HS3ST2: variants seen among roughly 807,000 people sequenced by gnomAD.
The protein encoded by HS3ST2 is heparan sulfate glucosamine 3-O-sulfotransferase 2.
A neutral mutation model predicts 26.3 loss-of-function variants in HS3ST2; 17 were observed. The ratio of observed to expected loss-of-function variants is 0.65; its 90% CI spans 0.44 to 0.97. The LOEUF (loss-of-function observed/expected upper bound fraction) is 0.97, where lower values mean the gene tolerates loss of function less well. HS3ST2 is among the 50% of genes least tolerant of loss of function. The probability of loss-of-function intolerance (pLI) is 0.00; values close to 1 mark genes in which losing one functional copy is unlikely to be tolerated. For missense variants in HS3ST2, 402 were observed against 501.2 expected (o/e 0.80, Z 1.89); for synonymous variants, 237 against 219.2 (o/e 1.08, Z -0.72).
chr16:22,904,321 G>A lies in HS3ST2; in HGVS notation c.486-10623G>A, dbSNP rs114569128. Among the ~76,000 whole-genome samples, 469 of 152,230 alleles carry A rather than the reference G, an allele frequency of 3.1e-3. 5 individuals carry two copies. Among genetic ancestry groups the A allele is most frequent in the African/African-American group, 0.011 (448 of 41,552 alleles). ...AGCATACAGTAGGTGCTCAATAAAC[G>A]CTTGTCTCATGAATAAATCCATGAT... On this transcript the variant is annotated intron_variant, in intron 1 of 1. Coordinates refer to ENST00000261374, the MANE Select transcript of HS3ST2 (RefSeq NM_006043.2).
At chr16:22,862,373 G>A (rs1264507486) in intron 1 of HS3ST2, among the ~76,000 whole-genome samples, 1 of 148,162 alleles carries the variant, frequency 6.7e-6, no homozygotes, top group Non-Finnish European at 1.5e-5. Context: ...GAAGTGGTTT[G>A]ATTGGCCTCC....
intron 1 of HS3ST2, among the ~76,000 whole-genome samples, chr16:22,879,594 T>A (rs1901961581): frequency 6.6e-6 from 1 of 151,570 alleles, no homozygotes; most frequent in African/African-American, 2.4e-5. Flanking sequence ...CCACTTTACA[T>A]GAGATTAGCT....
intron 1 of HS3ST2, among the ~76,000 whole-genome samples, chr16:22,891,989 A>G (rs573487157): frequency 1.3e-4 from 20 of 152,238 alleles, no homozygotes; most frequent in Non-Finnish European, 2.8e-4. Flanking sequence ...AAGAACTGCA[A>G]GTGGGCCGGG....
At chr16:22,881,696 A>T (rs887704859) in intron 1 of HS3ST2, among the ~76,000 whole-genome samples, 17 of 151,934 alleles carry the variant, frequency 1.1e-4, no homozygotes, top group African/African-American at 4.1e-4. Flanking sequence ...GCTGGAGAAG[A>T]CTCTTCACAG....
At chr16:22,822,856 G>GAAAAA (rs60765964) in intron 1 of HS3ST2, among the ~76,000 whole-genome samples, 1 of 112,438 alleles carries the variant, frequency 8.9e-6, no homozygotes. Context: ...CTCCGTCTCA[G>GAAAAA]AAAAAAAAAA....
At position 22,863,752 on chromosome 16, in the gene HS3ST2, C is replaced by A. The variant is rs571232755; in HGVS notation, c.485+48657C>A. On this transcript the variant is annotated intron_variant, in intron 1 of 1. Coordinates refer to ENST00000261374, the MANE Select transcript of HS3ST2 (RefSeq NM_006043.2). ...CACACACAAGAGACTGCCTAGAAGT[C>A]CCATCGATGAGGGCCATTCTGGCTC... Among the ~76,000 whole-genome samples, 3 of 152,296 alleles carry A rather than the reference C, an allele frequency of 2.0e-5. No homozygotes were observed. The East Asian group carries it at 5.8e-4, about 29-fold the overall frequency.
At chr16:22,844,850 CT>C (rs1323647844) in intron 1 of HS3ST2, among the ~76,000 whole-genome samples, 1 of 151,704 alleles carries the variant, frequency 6.6e-6, no homozygotes, top group Non-Finnish European at 1.5e-5. Context: ...AACCTCTTTT[CT>C]TTTCTTTCTT....
rs1329746123 is a variant in HS3ST2, at chr16:22,857,192, G to A, written c.485+42097G>A. On this transcript the variant is annotated intron_variant, in intron 1 of 1. Transcript: ENST00000261374. The stretch of plus-strand genomic sequence containing the variant: ...ATGACTTTGTTTATGATTTCCTGGT[G>A]CTGAGTATAGTGATGAAAGTAATGT... 3.9e-5 allele frequency among the ~76,000 whole-genome samples: 6 copies of A among 152,262 alleles called. No individual in the cohort carries two copies. In the South Asian group the frequency reaches 1.0e-3, roughly 26 times the overall value.
At chr16:22,873,319 G>A (rs1432463621) in intron 1 of HS3ST2, among the ~76,000 whole-genome samples, 3 of 152,138 alleles carry the variant, frequency 2.0e-5, no homozygotes, top group Admixed American at 2.0e-4. Flanking sequence ...TGGGAGTGGT[G>A]GGAGCAAAGG....
At chr16:22,879,936 A>G (rs1407931514) in intron 1 of HS3ST2, among the ~76,000 whole-genome samples, 6 of 152,198 alleles carry the variant, frequency 3.9e-5, no homozygotes, top group Admixed American at 3.9e-4. Flanking sequence ...ATTTCCAACT[A>G]TAGACTGGGC....
intron 1 of HS3ST2, among the ~76,000 whole-genome samples, chr16:22,837,536 CAG>C (rs1486244023): frequency 7.0e-6 from 1 of 143,208 alleles, no homozygotes; most frequent in East Asian, 2.0e-4. Flanking sequence ...TATATATACA[CAG>C]ATATATGTAT....
At chr16:22,837,499 G>GTGTGTA (rs1445071823) in intron 1 of HS3ST2, among the ~76,000 whole-genome samples, 1 of 144,542 alleles carries the variant, frequency 6.9e-6, no homozygotes, top group African/African-American at 2.6e-5. Context: ...GTGTGTGTGT[G>GTGTGTA]TATATATATG....
intron 1 of HS3ST2, among the ~76,000 whole-genome samples, chr16:22,865,925 G>A (rs1901743624): frequency 6.6e-6 from 1 of 152,016 alleles, no homozygotes; most frequent in African/African-American, 2.4e-5. Flanking sequence ...GTCAAAAGAG[G>A]GGAAAATGCA....
At chr16:22,818,014 T>C (rs899567036) in intron 1 of HS3ST2, among the ~76,000 whole-genome samples, 1 of 152,222 alleles carries the variant, frequency 6.6e-6, no homozygotes, top group African/African-American at 2.4e-5. Context: ...CTGATCCTTC[T>C]TGGGAACCAC....
chr16:22,872,880 C>A (rs1385195072), intron 1 of HS3ST2, among the ~76,000 whole-genome samples: 1 of 152,104 alleles, frequency 6.6e-6, no homozygotes, highest in Non-Finnish European at 1.5e-5. Context: ...TAATGACTTC[C>A]AGACTTTCAA....
intron 1 of HS3ST2, among the ~76,000 whole-genome samples, chr16:22,872,950 C>T (rs149970371): frequency 4.6e-5 from 7 of 152,214 alleles, no homozygotes; most frequent in African/African-American, 1.7e-4. Context: ...AGCCCTGTGT[C>T]AAATCATGGC....
rs147128179 is a variant in HS3ST2 at position 22,877,632 on chromosome 16, C to T, written c.486-37312C>T. Among the ~76,000 whole-genome samples the T allele has an allele frequency of 1.9e-3, 291 of 152,310 alleles. 1 individual carries two copies. The highest frequency in any genetic ancestry group is 4.4e-3 in the Admixed American group (68 of 15,302). On this transcript the variant is annotated intron_variant, in intron 1 of 1. Transcript: ENST00000261374. ...GTTTGTATCAGCTTGGATTTCATCC[C>T]TGACCTACCCCTAACTCCAAAGTAG...
intron 1 of HS3ST2, among the ~76,000 whole-genome samples, chr16:22,876,099 C>T (rs1396210603): frequency 2.6e-5 from 4 of 152,170 alleles, no homozygotes; most frequent in Non-Finnish European, 4.4e-5. Flanking sequence ...CATGTCTGTA[C>T]ATAATATTGC....
intron 1 of HS3ST2, among the ~76,000 whole-genome samples, chr16:22,844,602 A>G (rs1901404618): frequency 6.6e-6 from 1 of 152,090 alleles, no homozygotes; most frequent in Non-Finnish European, 1.5e-5. Context: ...TGATTGGATC[A>G]TGGGGCTGGA....
Sources: gnomAD v4.1 joint callset for allele counts (sites outside exome capture counted in the v4.1 genomes callset) on GRCh38, gnomAD v4.1.1 for gene constraint, MANE v1.5 for transcripts, NCBI Gene and HGNC (gene_info 2026-07-23, HGNC 2026-07-21) for gene names.